The following ADAMTS17 variants were observed in gnomAD, a reference collection of about 807,000 sequenced individuals.
ADAMTS17 encodes ADAM metallopeptidase with thrombospondin type 1 motif 17.
ADAMTS17 carries 113 observed loss-of-function variants against 141.5 expected under a neutral mutation model. The ratio of observed to expected loss-of-function variants is 0.80; its 90% CI spans 0.69 to 0.93. ADAMTS17 has a LOEUF of 0.93. Ranked by LOEUF, ADAMTS17 falls within the 40% of genes least tolerant of loss-of-function variation. ADAMTS17 has a pLI of 0.00. For synonymous variants in ADAMTS17, 768 were observed against 630.6 expected (o/e 1.22, Z -3.27); for missense variants, 1,659 against 1,517.9 (o/e 1.09, Z -1.54).
intron 3 of ADAMTS17, among the ~76,000 whole-genome samples, chr15:100,292,281 T>TCTACGAGAGACACTCAGCCCGTGTGAAA (rs1567497369): frequency 5.7e-5 from 6 of 105,792 alleles, no homozygotes; most frequent in East Asian, 3.1e-4. Flanking sequence ...CCCGTGAGAA[T>TCTACGAGAGACACTCAGCCCGTGTGAAA]CTACGAGAGA....
At position 100,213,172 on chromosome 15, in the gene ADAMTS17, T is replaced by G. The variant is rs569564154; in HGVS notation, c.1076-13749A>C. On this transcript the variant is annotated intron_variant, in intron 7 of 21. Coordinates refer to ENST00000268070, the MANE Select transcript of ADAMTS17 (RefSeq NM_139057.4). Reference sequence around the variant, plus strand: ...CTGGTCCCAACTGCAGGGCCTTTATTGTATCTTGGTATGTTTAACTGAATT... The same window carrying G: ...CTGGTCCCAACTGCAGGGCCTTTATGGTATCTTGGTATGTTTAACTGAATT... 2.6e-5 allele frequency among the ~76,000 whole-genome samples: 4 copies of G among 152,270 alleles called. No individual in the cohort carries two copies. The South Asian group carries it at 8.3e-4, about 32-fold the overall frequency.
intron 15 of ADAMTS17, among the ~76,000 whole-genome samples, chr15:100,056,821 G>A (rs972692816): frequency 1.3e-5 from 2 of 152,120 alleles, no homozygotes; most frequent in Non-Finnish European, 2.9e-5. Flanking sequence ...GCTGGCTAAA[G>A]ACAGACACAG....
intron 8 of ADAMTS17, among the ~76,000 whole-genome samples, chr15:100,159,912 T>C (rs938020698): frequency 4.6e-5 from 7 of 152,196 alleles, no homozygotes; most frequent in Non-Finnish European, 8.8e-5. Context: ...TTTAAGAACA[T>C]GCATAGTTTC....
At chr15:100,168,374 CTGGAGCAGAGCGCTGTCAG>C (rs1278195615) in intron 8 of ADAMTS17, 1 of 152,220 alleles carries the variant, frequency 6.6e-6, no homozygotes. Flanking sequence ...GGAAAGACTG[CTGGAGCAGAGCGCTGTCAG>C]TTATCATGGA....
intron 18 of ADAMTS17, among the ~76,000 whole-genome samples, chr15:100,044,812 T>TG (rs926120501): frequency 1.8e-4 from 27 of 147,412 alleles, no homozygotes; most frequent in African/African-American, 7.2e-4. Context: ...TTTGGATTTT[T>TG]TTTTTTTTTT....
chr15:100,064,892 T>A (rs965846116), intron 15 of ADAMTS17, among the ~76,000 whole-genome samples: 2 of 152,212 alleles, frequency 1.3e-5, no homozygotes, highest in African/African-American at 4.8e-5. Context: ...TATTAGGCGT[T>A]TGTTTCTGCG....
chr15:100,089,978 TATA>T (rs2035350619), intron 15 of ADAMTS17, among the ~76,000 whole-genome samples: 1 of 141,542 alleles, frequency 7.1e-6, no homozygotes, highest in Admixed American at 7.2e-5. Context: ...AACTTAAAAG[TATA>T]ATAATAAAAT....
intron 20 of ADAMTS17, among the ~76,000 whole-genome samples, chr15:99,981,276 GATC>G (rs893359165): frequency 3.3e-5 from 5 of 152,226 alleles, no homozygotes; most frequent in African/African-American, 1.2e-4. Context: ...TGCTCCATGA[GATC>G]ATGGAAGGGT....
chr15:100,170,876 CAGG>C (rs1298579605), intron 8 of ADAMTS17, among the ~76,000 whole-genome samples: 2 of 152,156 alleles, frequency 1.3e-5, no homozygotes, highest in African/African-American at 2.4e-5. Flanking sequence ...CAGCCAATAG[CAGG>C]AGAAGGCCTG....
At chr15:100,157,196 C>G (rs568360042) in intron 8 of ADAMTS17, among the ~76,000 whole-genome samples, 19 of 152,270 alleles carry the variant, frequency 1.2e-4, no homozygotes, top group African/African-American at 4.3e-4. Context: ...CCAGCGGGTC[C>G]CTCCCTCGAC....
chr15:99,975,425 G>A (rs2060301312), intron 21 of ADAMTS17, among the ~76,000 whole-genome samples: 1 of 152,108 alleles, frequency 6.6e-6, no homozygotes, highest in Admixed American at 6.5e-5. Flanking sequence ...GGTCAGGCTG[G>A]TCTCGAACTC....
intron 18 of ADAMTS17, among the ~76,000 whole-genome samples, chr15:100,004,778 A>G (rs2061005804): frequency 6.6e-6 from 1 of 151,982 alleles, no homozygotes; most frequent in Non-Finnish European, 1.5e-5. Flanking sequence ...GCTCCACCAT[A>G]CCTGGCTAAT....
chr15:100,094,897 C>A (rs1267013576), intron 15 of ADAMTS17, among the ~76,000 whole-genome samples: 1 of 152,156 alleles, frequency 6.6e-6, no homozygotes, highest in African/African-American at 2.4e-5. Flanking sequence ...CAGAAATGGG[C>A]AACGCTCTGG....
rs1478824193 is a variant in ADAMTS17, at chr15:100,053,918, G to T, written c.2274C>A (p.Thr758=). 1.2e-6 allele frequency: 2 copies of T among 1,614,206 alleles called. No individual in the cohort carries two copies. Among genetic ancestry groups the T allele is most frequent in the South Asian group, 2.2e-5 (2 of 91,090 alleles). The stretch of plus-strand genomic sequence containing the variant: ...TTACCATCAAGTGCAGCGGTAGTTT[G>T]GTTGGTCCCTTGGCAGAGATCTTCT... ...LWEKISAKGP[T]KLPLHLMVLL... Residue 758 remains threonine (T), a synonymous_variant, in exon 16 of 22, where the codon ACC becomes ACA. Transcript: ENST00000268070.
chr15:100,310,828 T>A (rs2045379823), intron 3 of ADAMTS17, among the ~76,000 whole-genome samples: 2 of 152,186 alleles, frequency 1.3e-5, no homozygotes, highest in African/African-American at 2.4e-5. Context: ...AGGTACCAGC[T>A]CCTTCAGCCC....
intron 15 of ADAMTS17, among the ~76,000 whole-genome samples, chr15:100,078,388 G>A (rs575962756): frequency 6.6e-5 from 10 of 152,094 alleles, no homozygotes; most frequent in Non-Finnish European, 1.5e-4. Context: ...ATGGCATAAG[G>A]ACAGTCGTTT....
At chr15:100,284,628 T>C (rs1278151927) in intron 3 of ADAMTS17, among the ~76,000 whole-genome samples, 1 of 152,082 alleles carries the variant, frequency 6.6e-6, no homozygotes. Context: ...AGCCTTCTCC[T>C]CCCTCCCTGA....
chr15:100,178,927 C>A (rs1383730327), intron 8 of ADAMTS17, among the ~76,000 whole-genome samples: 1 of 152,102 alleles, frequency 6.6e-6, no homozygotes, highest in Non-Finnish European at 1.5e-5. Context: ...AATTGCTGTT[C>A]CTTTAGAGGC....
At chr15:100,228,452 C>T (rs1348550845) in intron 7 of ADAMTS17, among the ~76,000 whole-genome samples, 1 of 152,200 alleles carries the variant, frequency 6.6e-6, no homozygotes, top group African/African-American at 2.4e-5. Flanking sequence ...GGTACAGAGG[C>T]TCATGAACAC....
Sources: gnomAD v4.1 joint callset for allele counts (sites outside exome capture counted in the v4.1 genomes callset) on GRCh38, gnomAD v4.1.1 for gene constraint, MANE v1.5 for transcripts, NCBI Gene and HGNC (gene_info 2026-07-23, HGNC 2026-07-21) for gene names.